Variants in ATXN8OS observed in about 807,000 individuals in gnomAD.
The protein encoded by ATXN8OS is ATXN8 opposite strand lncRNA.
chr13:70,153,014 C>CTGTGTGTG (rs66574752), intron 4 of ATXN8OS, among the ~76,000 whole-genome samples: 4,644 of 141,736 alleles, frequency 0.033, 92 homozygotes, highest in Non-Finnish European at 0.035. Flanking sequence ...TAAGAAAAAA[C>CTGTGTGTG]TGTGTGTGTG....
chr13:70,121,316 C>T (rs1199154492), intron 2 of ATXN8OS, among the ~76,000 whole-genome samples: 1 of 152,022 alleles, frequency 6.6e-6, no homozygotes, highest in Non-Finnish European at 1.5e-5. Flanking sequence ...GATCACTGCT[C>T]ATGATAGTGT....
At chr13:70,117,501 C>T (rs1432734013) in intron 2 of ATXN8OS, among the ~76,000 whole-genome samples, 2 of 152,032 alleles carry the variant, frequency 1.3e-5, no homozygotes, top group Non-Finnish European at 2.9e-5. Context: ...GCAGTGCATC[C>T]TATAAAGATA....
intron 4 of ATXN8OS, among the ~76,000 whole-genome samples, chr13:70,154,980 C>A (rs537364790): frequency 1.0e-3 from 154 of 152,268 alleles, no homozygotes; most frequent in African/African-American, 3.4e-3. Flanking sequence ...TGCTTTCACC[C>A]CACTGTAAGC....
chr13:70,159,690 G>A (rs1303676821), intron 4 of ATXN8OS, among the ~76,000 whole-genome samples: 1 of 152,028 alleles, frequency 6.6e-6, no homozygotes, highest in Non-Finnish European at 1.5e-5. Flanking sequence ...TGTCTTTGTT[G>A]TAGCCAAAAC....
intron 2 of ATXN8OS, among the ~76,000 whole-genome samples, chr13:70,128,120 A>G (rs1186030955): frequency 6.6e-6 from 1 of 152,126 alleles, no homozygotes; most frequent in Admixed American, 6.6e-5. Flanking sequence ...TAATTGAAAA[A>G]TAACCTTTTG....
intron 4 of ATXN8OS, among the ~76,000 whole-genome samples, chr13:70,148,252 A>G (rs1214566393): frequency 6.6e-6 from 1 of 152,180 alleles, no homozygotes; most frequent in African/African-American, 2.4e-5. Context: ...TTTCCCCACA[A>G]AAGATGGCTT....
At chr13:70,148,088 T>C (rs535539761) in intron 4 of ATXN8OS, among the ~76,000 whole-genome samples, 10 of 152,148 alleles carry the variant, frequency 6.6e-5, no homozygotes, top group African/African-American at 2.2e-4. Flanking sequence ...AAGGTTCTTA[T>C]CATGTGAAGG....
chr13:70,110,146 G>A (rs952892375), intron 1 of ATXN8OS, among the ~76,000 whole-genome samples: 1 of 152,010 alleles, frequency 6.6e-6, no homozygotes, highest in Admixed American at 6.6e-5. Flanking sequence ...TTAATTTGTG[G>A]TATAAAGGAA....
intron 1 of ATXN8OS, among the ~76,000 whole-genome samples, chr13:70,109,302 G>A (rs77856066): frequency 0.028 from 4,261 of 152,272 alleles, 188 homozygotes; most frequent in African/African-American, 0.097. Context: ...GAGCCATTAA[G>A]ATAGAACCCA....
chr13:70,139,728 G>C (rs1274165537), intron 3 of ATXN8OS, among the ~76,000 whole-genome samples: 1 of 152,050 alleles, frequency 6.6e-6, no homozygotes, highest in East Asian at 1.9e-4. Flanking sequence ...CTGTATATTA[G>C]TCATTTTGCT....
intron 2 of ATXN8OS, chr13:70,129,753 C>G (rs1198381231): frequency 2.5e-6 from 1 of 398,244 alleles, no homozygotes; most frequent in Non-Finnish European, 4.4e-6. Context: ...ATGTTTTAAC[C>G]TGAACTCTCT....
intron 2 of ATXN8OS, among the ~76,000 whole-genome samples, chr13:70,121,777 G>A (rs372827407): frequency 1.4e-4 from 21 of 152,018 alleles, no homozygotes; most frequent in South Asian, 1.0e-3. Flanking sequence ...GGAAAATAGC[G>A]ATCTTTAGAA....
chr13:70,141,260 GA>G (rs1429611618), intron 3 of ATXN8OS, among the ~76,000 whole-genome samples: 1 of 152,004 alleles, frequency 6.6e-6, no homozygotes, highest in Non-Finnish European at 1.5e-5. Flanking sequence ...CTATCTCCTG[GA>G]AATATGTTGT....
At chr13:70,112,437 A>G (rs1009233743) in intron 1 of ATXN8OS, among the ~76,000 whole-genome samples, 2 of 152,176 alleles carry the variant, frequency 1.3e-5, no homozygotes, top group African/African-American at 4.8e-5. Flanking sequence ...TTGAAACATA[A>G]TATCATATAG....
chr13:70,112,101 A>G (rs1408205238), intron 1 of ATXN8OS, among the ~76,000 whole-genome samples: 1 of 152,170 alleles, frequency 6.6e-6, no homozygotes, highest in Non-Finnish European at 1.5e-5. Flanking sequence ...GGCACGTCCT[A>G]CGTGGCTGGA....
chr13:70,164,168 C>G (rs577084243), intron 4 of ATXN8OS, among the ~76,000 whole-genome samples: 142 of 150,060 alleles, frequency 9.5e-4, no homozygotes, highest in African/African-American at 3.2e-3. Context: ...ACTTATTTCC[C>G]AATTACCATT....
exon 5 of ATXN8OS, among the ~76,000 whole-genome samples, chr13:70,170,387 T>C (rs964565871): frequency 1.3e-5 from 2 of 152,070 alleles, no homozygotes; most frequent in Non-Finnish European, 2.9e-5. Context: ...CTGGGAAGTG[T>C]TTATATGCAA....
intron 3 of ATXN8OS, among the ~76,000 whole-genome samples, chr13:70,137,037 A>C (rs1480821382): frequency 6.6e-6 from 1 of 152,176 alleles, no homozygotes; most frequent in African/African-American, 2.4e-5. Context: ...CTGCAATTCC[A>C]TTGCCAATCA....
intron 4 of ATXN8OS, among the ~76,000 whole-genome samples, chr13:70,157,958 C>G (rs914642180): frequency 6.6e-6 from 1 of 152,104 alleles, no homozygotes; most frequent in Non-Finnish European, 1.5e-5. Context: ...TGCAAAAAAT[C>G]ATTTGAGCCA....
Sources: gnomAD v4.1 joint callset for allele counts (sites outside exome capture counted in the v4.1 genomes callset) on GRCh38, gnomAD v4.1.1 for gene constraint, MANE v1.5 for transcripts, NCBI Gene and HGNC (gene_info 2026-07-23, HGNC 2026-07-21) for gene names.